Variants in DSCAM observed in about 807,000 individuals in gnomAD.
DSCAM encodes cell adhesion molecule DSCAM.
In DSCAM, 47 loss-of-function variants were observed where a neutral mutation model predicts 217.7. The ratio of observed to expected loss-of-function variants is 0.22; its 90% confidence interval spans 0.17 to 0.28. The LOEUF is 0.28. Ranked by LOEUF, DSCAM falls within the 10% of genes least tolerant of loss-of-function variation. The pLI is 1.00. For synonymous variants in DSCAM, 1,056 were observed against 1,015.3 expected, an observed-to-expected ratio of 1.04 and a Z score of -0.76; for missense variants, 2,080 against 2,618.3, an observed-to-expected ratio of 0.79 and a Z score of 4.49.
chr21:40,061,573 A>C (rs2089121789), intron 28 of DSCAM, among the ~76,000 whole-genome samples: 1 of 110,426 alleles, frequency 9.1e-6, no homozygotes, highest in Admixed American at 9.9e-5. Context: ...CTGTCCCAAA[A>C]AAAAAAAAAA....
At chr21:40,229,871 C>A (rs2091365828) in intron 11 of DSCAM, among the ~76,000 whole-genome samples, 2 of 152,180 alleles carry the variant, frequency 1.3e-5, no homozygotes, top group Non-Finnish European at 2.9e-5. Context: ...CCCAGGTGTA[C>A]AATTGCTGGA....
intron 1 of DSCAM, among the ~76,000 whole-genome samples, chr21:40,731,018 ATATT>A (rs1003199043): frequency 2.0e-5 from 3 of 152,200 alleles, no homozygotes; most frequent in Admixed American, 6.5e-5. Flanking sequence ...AATAATTTAC[ATATT>A]TATTGTTTCT....
chr21:40,177,195 TA>T (rs1372638470), intron 15 of DSCAM, among the ~76,000 whole-genome samples: 2 of 152,218 alleles, frequency 1.3e-5, no homozygotes, highest in African/African-American at 4.8e-5. Context: ...CATACATAAT[TA>T]AATACAATTC....
At chr21:40,811,816 G>T (rs991923339) in intron 1 of DSCAM, among the ~76,000 whole-genome samples, 6 of 152,130 alleles carry the variant, frequency 3.9e-5, no homozygotes, top group African/African-American at 1.2e-4. Flanking sequence ...AGTAGATTGC[G>T]TTGAAGACCT....
chr21:40,756,639 A>G (rs867387199), intron 1 of DSCAM, among the ~76,000 whole-genome samples: 7 of 151,930 alleles, frequency 4.6e-5, no homozygotes, highest in South Asian at 2.1e-4. Context: ...TGATCCACCC[A>G]TCTCGGCCTC....
intron 3 of DSCAM, among the ~76,000 whole-genome samples, chr21:40,553,452 G>A (rs996804073): frequency 6.6e-6 from 1 of 152,184 alleles, no homozygotes; most frequent in Non-Finnish European, 1.5e-5. Context: ...GTTTCAGGAG[G>A]TATCAGTTAT....
chr21:40,792,999 T>G (rs77533464), intron 1 of DSCAM, among the ~76,000 whole-genome samples: 2 of 152,240 alleles, frequency 1.3e-5, no homozygotes, highest in African/African-American at 4.8e-5. Flanking sequence ...TAGATGTATA[T>G]TTAGGTCCAA....
At chr21:40,733,542 T>C (rs533046112) in intron 1 of DSCAM, among the ~76,000 whole-genome samples, 94 of 152,266 alleles carry the variant, frequency 6.2e-4, no homozygotes, top group Non-Finnish European at 1.1e-3. Flanking sequence ...TCCCTCCCAT[T>C]GAAGAACCAT....
intron 8 of DSCAM, among the ~76,000 whole-genome samples, chr21:40,331,203 C>A (rs576198589): frequency 6.6e-6 from 1 of 152,130 alleles, no homozygotes; most frequent in Non-Finnish European, 1.5e-5. Context: ...TCCTTGCCAA[C>A]AGAGTTGGGT....
At chr21:40,565,875 T>A (rs946349353) in intron 3 of DSCAM, among the ~76,000 whole-genome samples, 8 of 152,194 alleles carry the variant, frequency 5.3e-5, no homozygotes, top group Non-Finnish European at 8.8e-5. Flanking sequence ...TTGTCACTCC[T>A]GTCATTTCCA....
chr21:40,130,928 T>A (rs2090148512), intron 19 of DSCAM, among the ~76,000 whole-genome samples: 1 of 140,552 alleles, frequency 7.1e-6, no homozygotes, highest in Admixed American at 6.8e-5. Context: ...GTACAGGACG[T>A]GTGTCTGGCA....
At chr21:40,083,823 C>T in intron 24 of DSCAM, 85 bp downstream of exon 24, 1 of 1,031,692 alleles carries the variant, frequency 9.7e-7, no homozygotes, top group Non-Finnish European at 1.4e-6. Context: ...GTAACACATA[C>T]CAGTCATTTG....
At chr21:40,822,970 C>G (rs191290007) in intron 1 of DSCAM, among the ~76,000 whole-genome samples, 1 of 151,936 alleles carries the variant, frequency 6.6e-6, no homozygotes, top group African/African-American at 2.4e-5. Flanking sequence ...ACCCACATGG[C>G]GAAACCCCGT....
chr21:40,169,593 A>AT (rs2090633871), intron 15 of DSCAM, among the ~76,000 whole-genome samples: 1 of 152,178 alleles, frequency 6.6e-6, no homozygotes, highest in African/African-American at 2.4e-5. Context: ...GAATGATACT[A>AT]TAAGAATGCC....
At chr21:40,178,697 A>C (rs1189016673) in intron 15 of DSCAM, among the ~76,000 whole-genome samples, 11 of 152,152 alleles carry the variant, frequency 7.2e-5, no homozygotes, top group Admixed American at 7.2e-4. Context: ...TCTTTCTTTT[A>C]AGTCTTGGGT....
chr21:40,553,672 A>C (rs2076648158), intron 3 of DSCAM, among the ~76,000 whole-genome samples: 1 of 152,200 alleles, frequency 6.6e-6, no homozygotes. Context: ...CTTCATTCCC[A>C]AGATAACACA....
At chr21:40,805,596 A>G (rs2091779020) in intron 1 of DSCAM, among the ~76,000 whole-genome samples, 1 of 152,150 alleles carries the variant, frequency 6.6e-6, no homozygotes, top group African/African-American at 2.4e-5. Flanking sequence ...TCCAGGCCTA[A>G]GGATGGTGGC....
rs2088829796 is a variant in DSCAM at position 40,045,565 on chromosome 21, C to G, written c.5186-1290G>C. 1.3e-5 allele frequency among the ~76,000 whole-genome samples: 2 copies of G among 152,198 alleles called. 1 individual carries two copies. Among genetic ancestry groups the G allele is most frequent in the South Asian group, 4.1e-4 (2 of 4,832 alleles). ...GTACCAGAATGGGCTACAACATCGC[C>G]TCTTCTGGAATTCTGTGGAAAATGA... On this transcript the variant is annotated intron_variant, in intron 30 of 32. Transcript: ENST00000400454.
At chr21:40,674,750 A>G (rs2090318179) in intron 3 of DSCAM, among the ~76,000 whole-genome samples, 1 of 146,704 alleles carries the variant, frequency 6.8e-6, no homozygotes, top group Non-Finnish European at 1.5e-5. Context: ...CTCCTGCCTC[A>G]GCCTCCCGGG....
Sources: gnomAD v4.1 joint callset for allele counts (sites outside exome capture counted in the v4.1 genomes callset) on GRCh38, gnomAD v4.1.1 for gene constraint, MANE v1.5 for transcripts, NCBI Gene and HGNC (gene_info 2026-07-23, HGNC 2026-07-21) for gene names.